The following MED24 variants were observed in gnomAD, a reference collection of about 807,000 sequenced individuals.
MED24 encodes mediator of RNA polymerase II transcription subunit 24.
Under a neutral mutation model 118.8 loss-of-function variants are expected in MED24, and 74 were observed. The ratio of observed to expected loss-of-function variants is 0.62; its 90% confidence interval spans 0.52 to 0.76. The LOEUF (loss-of-function observed/expected upper bound fraction) is 0.76, where lower values mean the gene tolerates loss of function less well. MED24 is among the 30% of genes least tolerant of loss of function. MED24 has a pLI of 0.00. For missense variants in MED24, 1,041 were observed against 1,278.9 expected (o/e 0.81, Z 2.84); for synonymous variants, 521 against 523.9 (o/e 0.99, Z 0.08).
In MED24 at chr17:40,038,825, A is replaced by G. The variant is rs147035117; in HGVS notation, c.214-2671T>C. Among the ~76,000 whole-genome samples the G allele has an allele frequency of 2.8e-3, 423 of 152,244 alleles. 3 individuals are homozygous for G. In the Middle Eastern group the frequency reaches 0.065, roughly 23 times the overall value. On this transcript the variant is annotated intron_variant, in intron 3 of 25. Coordinates refer to ENST00000394128, the MANE Select transcript of MED24 (RefSeq NM_014815.4). ...CCAAAATACACTGCTCTGTTCAGCC[A>G]TCTTTCACTAGTACTCCTGGGTGAA...
chr17:40,020,097 A>C, intron 24 of MED24, 164 bp from the exon 25 acceptor site: 4 of 956,192 alleles, frequency 4.2e-6, no homozygotes, highest in African/African-American at 1.6e-5. Context: ...TGGGGAGGGG[A>C]GGAGGGGGAA....
rs1175398008 is a variant in MED24, at chr17:40,026,708, G to A, written c.1748C>T (p.Ala583Val). 4.3e-6 allele frequency: 7 copies of A among 1,612,352 alleles called. No individual in the cohort carries two copies. The highest frequency in any genetic ancestry group is 5.9e-6 in the Non-Finnish European group (7 of 1,179,180). ...KWHEACLSIS[A>V]AILEILNAWE... is the part of the protein sequence containing the mutation. ...GGCATTGAGGATTTCCAAGATGGCG[G>A]CTGAGATGCTGAGACAGGCCTCATG... Residue 583 changes from alanine to valine, a missense_variant, in exon 18 of 26, where the codon GCC (alanine) becomes GTC (valine). By Grantham distance (64) the Ala-to-Val change is moderately conservative (BLOSUM62 0). Around this residue, in one of 3 missense-constraint regions of MED24, gnomAD observed 587 missense variants for 694.4 expected, o/e 0.85. Transcript: ENST00000394128.
Position 40,019,550 on chromosome 17 carries a change from A to C in MED24, c.2949T>G (p.Ala983=), listed in dbSNP as rs1299960728. 1 of 1,612,228 alleles carries C rather than the reference A, an allele frequency of 6.2e-7. No homozygotes were observed. Residue 983 remains alanine (A), a synonymous_variant, in exon 26 of 26, where the codon GCT becomes GCG. Coordinates refer to ENST00000394128, the MANE Select transcript of MED24 (RefSeq NM_014815.4). ...LSLPLGRQVA[A]KAIAAL is the part of the protein sequence containing the mutation. ...CCCCTCAGAGTGCAGCAATGGCTTT[A>C]GCAGCCACCTGGCGGCCCAGGGGCA...
Position 40,033,074 on chromosome 17 carries a change from C to A in MED24, c.804G>T (p.Thr268=). The change falls in exon 8 of 26, where the codon ACG becomes ACT. Residue 268 remains threonine (T), a synonymous_variant. Coordinates refer to ENST00000394128, the MANE Select transcript of MED24 (RefSeq NM_014815.4). The surrounding 1 kb of genome is among the most constrained non-coding windows in gnomAD (Gnocchi z 5.2). ...GETQSLVEQL[T]MVKRMQHIPT... ...CTCCCACCTGCATGCGCTTCACCAT[C>A]GTCAGCTGCTCCACCAGGGACTGCG... The A allele has an allele frequency of 6.2e-7, 1 of 1,614,030 alleles. No homozygotes were observed.
chr17:40,031,404 G>T, intron 11 of MED24, 134 bp downstream of exon 11: 1 of 1,217,100 alleles, frequency 8.2e-7, no homozygotes, highest in Non-Finnish European at 1.2e-6. Flanking sequence ...GGCAACTGTG[G>T]GCTCCTATTT....
At chr17:40,020,622 A>T in intron 23 of MED24, 2 of 497,112 alleles carry the variant, frequency 4.0e-6, no homozygotes, top group Non-Finnish European at 7.1e-6. Context: ...CCTCATCTCT[A>T]CAAAAAATAC....
intron 3 of MED24, among the ~76,000 whole-genome samples, chr17:40,042,329 C>T (rs1217710731): frequency 6.6e-6 from 1 of 152,138 alleles, no homozygotes; most frequent in Non-Finnish European, 1.5e-5. Context: ...GAAGATTTGT[C>T]CACCAAGGTA....
At chr17:40,026,776 G>A (rs1982703237) in intron 17 of MED24, 30 bp from the exon 18 acceptor site, 2 of 1,611,238 alleles carry the variant, frequency 1.2e-6, no homozygotes, top group South Asian at 1.1e-5. Context: ...TCAGCACAGG[G>A]GAGCAAGGAA....
chr17:40,029,751 G>C lies in MED24; in HGVS notation c.1263C>G (p.Leu421=), dbSNP rs1983149407. 6.2e-7 allele frequency: 1 copy of C among 1,613,494 alleles called. No homozygotes were observed. The highest frequency in any genetic ancestry group is 1.1e-5 in the South Asian group (1 of 91,080). The change falls in exon 13 of 26, where the codon CTC becomes CTG. Residue 421 remains leucine (L), a synonymous_variant. Transcript: ENST00000394128. ...GGCCAGGGAAGGGCACACTCACCTTGAGGATGTTTGTGACAGTGGGCTCCG... is the reference window on the plus strand; with the variant it reads ...GGCCAGGGAAGGGCACACTCACCTTCAGGATGTTTGTGACAGTGGGCTCCG... The part of the protein sequence containing the change: ...LRAEPTVTNI[L]KTMDADHSKS...
chr17:40,036,013 T>C (rs1983893214), intron 4 of MED24, 103 bp downstream of exon 4: 2 of 1,323,784 alleles, frequency 1.5e-6, no homozygotes, highest in Non-Finnish European at 2.2e-6. Context: ...AGAGGCATCA[T>C]GTGCTGCCTA....
rs1379430292 is a variant in MED24, at chr17:40,033,757, G to A, written c.560-301C>T. The A allele has an allele frequency of 2.0e-5, 11 of 544,054 alleles. No homozygotes were observed. The highest frequency in any genetic ancestry group is 3.5e-5 in the Non-Finnish European group (10 of 284,650). The allele number at this position is 544,054 out of a possible 1,614,324, so 33.7% of individuals were successfully genotyped here. The stretch of plus-strand genomic sequence containing the variant: ...GCTCAGGAGAGAGAGGCAGAGGGAG[G>A]CCAGAATCCAGTGGCTGGAACAGGG... On this transcript the variant is annotated intron_variant, in intron 6 of 25. Coordinates refer to ENST00000394128, the MANE Select transcript of MED24 (RefSeq NM_014815.4). The surrounding 1 kb of genome is among the most constrained non-coding windows in gnomAD (Gnocchi z 5.2).
intron 24 of MED24, 167 bp from the exon 25 acceptor site, chr17:40,020,100 AGGGG>A: frequency 2.6e-5 from 17 of 643,924 alleles, no homozygotes; most frequent in East Asian, 4.2e-5. Flanking sequence ...GGAGGGGAGG[AGGGG>A]GAACTAGACA....
intron 3 of MED24, among the ~76,000 whole-genome samples, chr17:40,047,681 C>T (rs1010597760): frequency 6.8e-6 from 1 of 147,320 alleles, no homozygotes; most frequent in Non-Finnish European, 1.5e-5. Context: ...AACAAAAAAA[C>T]AAAAAACAAA....
At chr17:40,035,079 C>G in intron 6 of MED24, 38 bp downstream of exon 6, 1 of 1,611,050 alleles carries the variant, frequency 6.2e-7, no homozygotes, top group East Asian at 2.2e-5. Context: ...GCTATGGGAG[C>G]AGCGGCAGGT....
At chr17:40,031,378 G>A in intron 11 of MED24, 133 bp from the exon 12 acceptor site, 1 of 1,201,860 alleles carries the variant, frequency 8.3e-7, no homozygotes, top group Non-Finnish European at 1.2e-6. Flanking sequence ...GGACGGTAGA[G>A]GGGCTCTGGG....
chr17:40,052,013 G>A (rs1272743466), intron 3 of MED24, among the ~76,000 whole-genome samples: 2 of 151,988 alleles, frequency 1.3e-5, no homozygotes, highest in South Asian at 2.1e-4. Flanking sequence ...GTAGGTAGAT[G>A]GCCAGGCACG....
At chr17:40,036,413 G>A (rs1463735144) in intron 3 of MED24, among the ~76,000 whole-genome samples, 4 of 152,168 alleles carry the variant, frequency 2.6e-5, no homozygotes, top group South Asian at 2.1e-4. Context: ...GTTTCAGGCC[G>A]AGCATGGTGG....
rs1568165982 is a variant in MED24, at chr17:40,033,659, CAG to C, written c.560-205_560-204del. 1 of 687,886 alleles carries C rather than the reference CAG, an allele frequency of 1.5e-6. No individual in the cohort carries two copies. 42.6% of individuals were successfully genotyped at this position (687,886 alleles called of 1,614,324 possible). A position where few individuals can be genotyped will look rare whatever the true frequency, so the allele number is the denominator to read the frequency against. ...GGTGGGCACCTAGAGCTGGAAACCC[CAG>C]AGACCATTCCCAAAAGCCTGATTTC... On this transcript the variant is annotated intron_variant, in intron 6 of 25. Transcript: ENST00000394128. The surrounding 1 kb of genome is among the most constrained non-coding windows in gnomAD (Gnocchi z 5.2).
intron 3 of MED24, among the ~76,000 whole-genome samples, chr17:40,051,872 G>T (rs1268432557): frequency 6.6e-6 from 1 of 152,096 alleles, no homozygotes; most frequent in Non-Finnish European, 1.5e-5. Flanking sequence ...GCAGTGAGCC[G>T]AGATCAAGCC....
Sources: gnomAD v4.1 joint callset for allele counts (sites outside exome capture counted in the v4.1 genomes callset) on GRCh38, gnomAD v4.1.1 for gene constraint, gnomAD v4.1.1 regional missense constraint, Gnocchi (gnomAD v3.1) non-coding constraint, MANE v1.5 for transcripts, NCBI Gene and HGNC (gene_info 2026-07-23, HGNC 2026-07-21) for gene names.